Variants in RBPMS observed in about 807,000 individuals in gnomAD.
RBPMS encodes RNA binding protein, mRNA processing factor, also known as RNA-binding protein with multiple splicing.
Under a neutral mutation model 26.8 loss-of-function variants are expected in RBPMS, and 7 were observed. The observed-to-expected ratio is 0.26, with a 90% CI of 0.15 to 0.49. The LOEUF is 0.49. Ranked by LOEUF, RBPMS falls within the 20% of genes least tolerant of loss-of-function variation. RBPMS has a pLI of 0.98. For synonymous variants in RBPMS, 96 were observed against 93.3 expected, an observed-to-expected ratio of 1.03 and a Z score of -0.17; for missense variants, 186 against 250.0, an observed-to-expected ratio of 0.74 and a Z score of 1.73.
intron 4 of RBPMS, among the ~76,000 whole-genome samples, chr8:30,487,074 C>T (rs1402107547): frequency 5.3e-5 from 8 of 152,054 alleles, no homozygotes; most frequent in Admixed American, 1.3e-4. Flanking sequence ...CATGAAGTGC[C>T]GAGTGAGTTT....
chr8:30,446,840 T>TGTGTGTGC (rs1813879857), intron 1 of RBPMS: 1 of 72,806 alleles, frequency 1.4e-5, no homozygotes, highest in African/African-American at 5.7e-5. Context: ...TGTGTGTGTG[T>TGTGTGTGC]GTGCGCGCGC....
Position 30,558,874 on chromosome 8 carries a change from C to T in RBPMS, c.529-13C>T, listed in dbSNP as rs746048928. ...GGAGCCCTGGCTCACGGCCTTCTCC[C>T]ATGTCTTTTCAGATGCGCTGGCTCC... On this transcript the variant is annotated splice_polypyrimidine_tract_variant and intron_variant, in intron 6 of 8. Coordinates refer to ENST00000397323, the MANE Select transcript of RBPMS (RefSeq NM_001008710.3). 17 of 1,613,534 alleles carry T rather than the reference C, an allele frequency of 1.1e-5. No individual in the cohort carries two copies. In the South Asian group the frequency reaches 1.9e-4, roughly 18 times the overall value.
chr8:30,567,474 C>T (rs1235995107), intron 8 of RBPMS, among the ~76,000 whole-genome samples: 3 of 152,212 alleles, frequency 2.0e-5, no homozygotes, highest in Non-Finnish European at 4.4e-5. Context: ...ACTAGGCCCA[C>T]GGCCTTCTAG....
chr8:30,555,144 T>C (rs1424532442), intron 6 of RBPMS, among the ~76,000 whole-genome samples: 1 of 152,190 alleles, frequency 6.6e-6, no homozygotes, highest in Non-Finnish European at 1.5e-5. Flanking sequence ...TTCCATTTGA[T>C]TTTTACTCTG....
intron 1 of RBPMS, among the ~76,000 whole-genome samples, chr8:30,414,779 C>A (rs1809867172): frequency 6.6e-6 from 1 of 152,092 alleles, no homozygotes; most frequent in Admixed American, 6.5e-5. Context: ...AAACAAAATT[C>A]ACTATTTTTC....
intron 1 of RBPMS, 141 bp downstream of exon 1, chr8:30,385,299 G>C: frequency 1.9e-6 from 1 of 516,138 alleles, no homozygotes. Flanking sequence ...GTGTGGCCCG[G>C]GGAGGGTGGA....
At chr8:30,495,894 C>T (rs1348378875) in intron 4 of RBPMS, among the ~76,000 whole-genome samples, 5 of 152,176 alleles carry the variant, frequency 3.3e-5, no homozygotes, top group Non-Finnish European at 4.4e-5. Context: ...AAAATCTTCA[C>T]GGAACTGTAA....
chr8:30,392,198 G>C (rs1284110830), intron 1 of RBPMS, among the ~76,000 whole-genome samples: 4 of 152,130 alleles, frequency 2.6e-5, no homozygotes, highest in African/African-American at 9.7e-5. Context: ...ATGGAGCTGT[G>C]TCACAGAAAG....
At chr8:30,438,965 T>C (rs1378290473) in intron 1 of RBPMS, among the ~76,000 whole-genome samples, 2 of 152,216 alleles carry the variant, frequency 1.3e-5, no homozygotes, top group South Asian at 2.1e-4. Context: ...GAAATAGAGA[T>C]GGGGTTTCAC....
chr8:30,505,252 G>A lies in RBPMS; in HGVS notation c.397+816G>A, dbSNP rs377557865. 8.5e-5 allele frequency among the ~76,000 whole-genome samples: 13 copies of A among 152,310 alleles called. No homozygotes were observed. The East Asian group carries it at 1.2e-3, about 14-fold the overall frequency. On this transcript the variant is annotated intron_variant, in intron 5 of 8. Transcript: ENST00000397323. ...CATTCAAGGAAACCCAAGTGACTTG[G>A]ATTCCAAGTTATTTGGAATATTTCT...
chr8:30,411,222 T>C (rs923097203), intron 1 of RBPMS, among the ~76,000 whole-genome samples: 26 of 152,156 alleles, frequency 1.7e-4, no homozygotes, highest in Admixed American at 1.7e-3. Context: ...CCTGTATGTG[T>C]CTTTACTCCA....
intron 6 of RBPMS, among the ~76,000 whole-genome samples, chr8:30,550,321 G>A (rs1826251679): frequency 6.6e-6 from 1 of 152,134 alleles, no homozygotes. Flanking sequence ...GACCTCAATT[G>A]AGCAAGTTTC....
At chr8:30,528,816 T>C (rs1823885894) in intron 5 of RBPMS, among the ~76,000 whole-genome samples, 1 of 151,908 alleles carries the variant, frequency 6.6e-6, no homozygotes, top group Non-Finnish European at 1.5e-5. Flanking sequence ...GGTTTTTTGG[T>C]TTGTTTTTTG....
chr8:30,386,252 G>A (rs373792850), intron 1 of RBPMS, among the ~76,000 whole-genome samples: 1 of 152,156 alleles, frequency 6.6e-6, no homozygotes, highest in East Asian at 1.9e-4. Context: ...TATGTTGTGT[G>A]CAAACTTCAA....
intron 1 of RBPMS, among the ~76,000 whole-genome samples, chr8:30,390,546 C>A (rs1469307526): frequency 6.6e-6 from 1 of 152,140 alleles, no homozygotes; most frequent in East Asian, 1.9e-4. Flanking sequence ...GATCCCTTTG[C>A]TAAGAGGAAG....
intron 7 of RBPMS, chr8:30,564,203 CG>C (rs1357253835): frequency 6.6e-6 from 1 of 152,182 alleles, no homozygotes; most frequent in Non-Finnish European, 1.5e-5. Context: ...CAGCTTTATA[CG>C]GGGTTTCTTT....
intron 5 of RBPMS, among the ~76,000 whole-genome samples, chr8:30,515,432 T>C (rs551762694): frequency 6.6e-6 from 1 of 152,338 alleles, no homozygotes; most frequent in South Asian, 2.1e-4. Context: ...TATTACTCCT[T>C]TGACCAGCTA....
chr8:30,457,322 T>A (rs531401245), intron 1 of RBPMS, among the ~76,000 whole-genome samples: 1 of 152,360 alleles, frequency 6.6e-6, no homozygotes, highest in African/African-American at 2.4e-5. Context: ...ATCTGTATTC[T>A]CATTCACAGG....
rs1490844438 is a variant in RBPMS at position 30,434,347 on chromosome 8, G to C, written c.67-40432G>C. Among the ~76,000 whole-genome samples, 6 of 152,030 alleles carry C rather than the reference G, an allele frequency of 3.9e-5. No homozygotes were observed. In the East Asian group the frequency reaches 1.2e-3, roughly 29 times the overall value. On this transcript the variant is annotated intron_variant, in intron 1 of 8. Transcript: ENST00000397323. ...CAAAGATTGTTATGGGAGAGTGGGGGTAGGGGAGTTACTATCATTGGTCTT... is the reference window on the plus strand; with the variant it reads ...CAAAGATTGTTATGGGAGAGTGGGGCTAGGGGAGTTACTATCATTGGTCTT...
Sources: allele counts gnomAD v4.1 joint callset (sites outside exome capture counted in the v4.1 genomes callset), GRCh38; gene constraint gnomAD v4.1.1; transcripts MANE v1.5; gene names NCBI Gene and HGNC (gene_info 2026-07-23, HGNC 2026-07-21).